TUSC3: variants seen among roughly 807,000 people sequenced by gnomAD.
The protein encoded by TUSC3 is tumor suppressor candidate 3.
Under a neutral mutation model 44.8 loss-of-function variants are expected in TUSC3, and 45 were observed. That is an observed-to-expected ratio of 1.00 (90% CI 0.79 to 1.29). TUSC3 has a LOEUF of 1.29. Among genes scored for constraint, TUSC3 ranks in the 50% most tolerant of loss-of-function variants. The pLI is 0.00. For missense variants in TUSC3, 519 were observed against 437.9 expected (o/e 1.19, Z -1.65); for synonymous variants, 212 against 152.9 (o/e 1.39, Z -2.85).
chr8:15,827,489 C>A, the TUSC3 span, among the ~76,000 whole-genome samples: 1 of 151,992 alleles, frequency 6.6e-6, no homozygotes, highest in African/African-American at 2.4e-5. Flanking sequence ...GAAAATTTCT[C>A]ATTATTATAC....
chr8:15,650,721 A>T lies in TUSC3; in HGVS notation c.333A>T (p.Ile111=). The T allele has an allele frequency of 1.2e-6, 2 of 1,614,028 alleles. No individual in the cohort carries two copies. Among genetic ancestry groups the T allele is most frequent in the Non-Finnish European group, 1.7e-6 (2 of 1,180,024 alleles). The change falls in exon 3 of 11, where the codon ATA becomes ATT. Residue 111 remains isoleucine (I), a synonymous_variant. Coordinates refer to ENST00000503731, the MANE Select transcript of TUSC3 (RefSeq NM_006765.4). ...GGCAAGCTAATGAAGAATATCAAAT[A>T]CTGGCGAACTCCTGGCGCTATTCAT... ...VCRQANEEYQ[I]LANSWRYSSA...
At chr8:15,514,969 G>C (rs899127333) in intron 2 of TUSC3, among the ~76,000 whole-genome samples, 1 of 152,148 alleles carries the variant, frequency 6.6e-6, no homozygotes, top group Non-Finnish European at 1.5e-5. Flanking sequence ...GACATATAGA[G>C]AATACTCCAT....
chr8:15,489,565 C>CA (rs1326683821), intron 2 of TUSC3, among the ~76,000 whole-genome samples: 1 of 152,158 alleles, frequency 6.6e-6, no homozygotes, highest in African/African-American at 2.4e-5. Flanking sequence ...CAAAATATGT[C>CA]AAAGAGTTAC....
At chr8:15,481,513 T>A (rs1415513059) in intron 1 of TUSC3, among the ~76,000 whole-genome samples, 2 of 152,108 alleles carry the variant, frequency 1.3e-5, no homozygotes, top group African/African-American at 4.8e-5. Context: ...AGAACCATGA[T>A]CCAATAAATT....
At chr8:15,533,595 T>C (rs1166663011) in intron 2 of TUSC3, among the ~76,000 whole-genome samples, 1 of 152,188 alleles carries the variant, frequency 6.6e-6, no homozygotes, top group East Asian at 1.9e-4. Flanking sequence ...CTGTCTTATT[T>C]TGGAACTGTA....
At chr8:15,660,360 A>G (rs998400666) in intron 4 of TUSC3, among the ~76,000 whole-genome samples, 2 of 152,050 alleles carry the variant, frequency 1.3e-5, no homozygotes, top group African/African-American at 4.8e-5. Context: ...AAATAGTATT[A>G]ATTAATAGTA....
intron 1 of TUSC3, among the ~76,000 whole-genome samples, chr8:15,451,406 G>T (rs1443277384): frequency 1.3e-5 from 2 of 152,040 alleles, no homozygotes; most frequent in Non-Finnish European, 2.9e-5. Flanking sequence ...GAGGGGAGAG[G>T]GGCTGAAGGG....
At chr8:15,440,695 G>T (rs1800009461) in intron 1 of TUSC3, among the ~76,000 whole-genome samples, 1 of 152,164 alleles carries the variant, frequency 6.6e-6, no homozygotes, top group African/African-American at 2.4e-5. Context: ...TGTGCGAGCT[G>T]GTTTGTGCAT....
rs1283276481 is a variant in TUSC3, at chr8:15,540,478, G to T, written c.48G>T (p.Arg16=). 1 of 1,607,736 alleles carries T rather than the reference G, an allele frequency of 6.2e-7. No homozygotes were observed. The highest frequency in any genetic ancestry group is 2.2e-5 in the East Asian group (1 of 44,526). Reference sequence around the variant, plus strand: ...CACGCCGTAGGCAAGCGGGGCGGCGGCTGCGGTACCTGCCCACCGGGAGCT... The same window carrying T: ...CACGCCGTAGGCAAGCGGGGCGGCGTCTGCGGTACCTGCCCACCGGGAGCT... ...APSRRRQAGR[R]LRYLPTGSFP... is the part of the protein sequence containing the mutation. Residue 16 remains arginine, a synonymous_variant, in exon 1 of 11, where the codon CGG becomes CGT. Coordinates refer to ENST00000503731, the MANE Select transcript of TUSC3 (RefSeq NM_006765.4).
rs182173494 is a variant in TUSC3 at position 15,707,519 on chromosome 8, T to C, written c.799-23147T>C. Among the ~76,000 whole-genome samples, 237 of 152,096 alleles carry C rather than the reference T, an allele frequency of 1.6e-3. 1 individual carries two copies. The highest frequency in any genetic ancestry group is 5.6e-3 in the African/African-American group (232 of 41,532). On this transcript the variant is annotated intron_variant, in intron 6 of 10. Coordinates refer to ENST00000503731, the MANE Select transcript of TUSC3 (RefSeq NM_006765.4). ...TCAAAGCACAAGTCATTTTTCTCTCTTGATGTTTTCCCAGGCCTGTAGGGG... is the reference window on the plus strand; with the variant it reads ...TCAAAGCACAAGTCATTTTTCTCTCCTGATGTTTTCCCAGGCCTGTAGGGG...
intron 8 of TUSC3, among the ~76,000 whole-genome samples, chr8:15,744,611 C>T (rs373239252): frequency 6.6e-6 from 1 of 152,116 alleles, no homozygotes; most frequent in South Asian, 2.1e-4. Context: ...ACTTAAAAGT[C>T]TTAGGGGTAG....
intron 1 of TUSC3, among the ~76,000 whole-genome samples, chr8:15,601,381 A>C (rs148478787): frequency 6.6e-6 from 1 of 151,722 alleles, no homozygotes; most frequent in Non-Finnish European, 1.5e-5. Flanking sequence ...CAACGGGTTT[A>C]TAGTTTGAAT....
At chr8:15,678,623 G>T (rs1000339726) in intron 6 of TUSC3, among the ~76,000 whole-genome samples, 1 of 152,110 alleles carries the variant, frequency 6.6e-6, no homozygotes, top group Non-Finnish European at 1.5e-5. Flanking sequence ...AGGAAATTTT[G>T]TCTTTATTTC....
At chr8:15,433,344 C>T (rs966647834) in intron 1 of TUSC3, among the ~76,000 whole-genome samples, 3 of 152,086 alleles carry the variant, frequency 2.0e-5, no homozygotes, top group African/African-American at 7.2e-5. Flanking sequence ...CAATATGTCT[C>T]TTAATTTTTT....
chr8:15,647,640 A>G (rs1005853984), intron 2 of TUSC3, among the ~76,000 whole-genome samples: 4 of 152,040 alleles, frequency 2.6e-5, no homozygotes, highest in African/African-American at 9.7e-5. Flanking sequence ...ACAGTGCTCT[A>G]TCATAGTCTT....
At chr8:15,423,170 A>T (rs1354713176) in intron 1 of TUSC3, among the ~76,000 whole-genome samples, 1 of 152,142 alleles carries the variant, frequency 6.6e-6, no homozygotes, top group African/African-American at 2.4e-5. Context: ...GAATCTGTTC[A>T]TTTGCACATG....
the TUSC3 span, among the ~76,000 whole-genome samples, chr8:15,783,178 A>G: frequency 1.3e-5 from 2 of 152,208 alleles, no homozygotes; most frequent in East Asian, 1.9e-4. Context: ...ACTGAAAACT[A>G]TAAAATATTA....
At chr8:15,534,643 T>TAA (rs11385742) in intron 2 of TUSC3, among the ~76,000 whole-genome samples, 2,121 of 129,804 alleles carry the variant, frequency 0.016, 50 homozygotes, top group African/African-American at 0.035. Flanking sequence ...ACTCGGTCTT[T>TAA]AAAAAAAAAA....
the TUSC3 span, among the ~76,000 whole-genome samples, chr8:15,803,690 G>C: frequency 1.1e-4 from 17 of 152,198 alleles, no homozygotes; most frequent in East Asian, 3.3e-3. Flanking sequence ...TTAGGTATTT[G>C]TTCTAATGCT....
Sources: allele counts gnomAD v4.1 joint callset (sites outside exome capture counted in the v4.1 genomes callset), GRCh38; gene constraint gnomAD v4.1.1; transcripts MANE v1.5; gene names NCBI Gene and HGNC (gene_info 2026-07-23, HGNC 2026-07-21).